The following CDH13 variants were observed in gnomAD, a reference collection of about 807,000 sequenced individuals.
The protein encoded by CDH13 is cadherin 13.
CDH13 carries 24 observed loss-of-function variants against 63.8 expected under a neutral mutation model. The ratio of observed to expected loss-of-function variants is 0.38; its 90% CI spans 0.27 to 0.53. CDH13 has a LOEUF of 0.53. Ranked by LOEUF, CDH13 falls within the 20% of genes least tolerant of loss-of-function variation. The pLI, the probability that CDH13 is intolerant of heterozygous loss-of-function variation, is 0.85. For synonymous variants in CDH13, 503 were observed against 355.3 expected (o/e 1.42, Z -4.67); for missense variants, 1,049 against 903.1 (o/e 1.16, Z -2.07).
At chr16:83,032,994 A>C (rs1216140961) in intron 3 of CDH13, among the ~76,000 whole-genome samples, 2 of 152,188 alleles carry the variant, frequency 1.3e-5, no homozygotes, top group African/African-American at 4.8e-5. Context: ...TATATATTAC[A>C]TGCACATATA....
At chr16:82,877,745 T>C (rs2040552251) in intron 2 of CDH13, among the ~76,000 whole-genome samples, 4 of 151,712 alleles carry the variant, frequency 2.6e-5, no homozygotes. Flanking sequence ...TCTGAAGAGC[T>C]CCTCAAATCT....
intron 3 of CDH13, among the ~76,000 whole-genome samples, chr16:83,078,620 G>C (rs964067750): frequency 6.6e-6 from 1 of 152,124 alleles, no homozygotes; most frequent in African/African-American, 2.4e-5. Context: ...CCGAGGAGTT[G>C]GGGACCCCTG....
chr16:82,809,663 G>C (rs1166149798), intron 1 of CDH13, among the ~76,000 whole-genome samples: 1 of 152,072 alleles, frequency 6.6e-6, no homozygotes, highest in African/African-American at 2.4e-5. Context: ...CAACATAAAG[G>C]TATTAAAGTG....
chr16:82,818,863 A>G (rs1187133273), intron 1 of CDH13, among the ~76,000 whole-genome samples: 1 of 152,206 alleles, frequency 6.6e-6, no homozygotes, highest in African/African-American at 2.4e-5. Flanking sequence ...ATAACTTTGC[A>G]AAAGGAAGAA....
At chr16:82,971,389 T>C (rs1908720013) in intron 2 of CDH13, among the ~76,000 whole-genome samples, 1 of 152,216 alleles carries the variant, frequency 6.6e-6, no homozygotes, top group Admixed American at 6.5e-5. Context: ...CTTGAATCCT[T>C]GTTGCAAGGT....
At chr16:83,620,986 G>A (rs1021055201) in intron 8 of CDH13, among the ~76,000 whole-genome samples, 5 of 152,232 alleles carry the variant, frequency 3.3e-5, no homozygotes, top group Middle Eastern at 3.4e-3. Flanking sequence ...ATATCTGAAA[G>A]CACCTGCTTT....
chr16:83,357,483 T>A (rs2091078319), intron 6 of CDH13, among the ~76,000 whole-genome samples: 1 of 152,154 alleles, frequency 6.6e-6, no homozygotes, highest in South Asian at 2.1e-4. Flanking sequence ...CCCACGCAAC[T>A]AAAACTCAGG....
intron 13 of CDH13, among the ~76,000 whole-genome samples, chr16:83,787,983 G>A (rs567157520): frequency 8.5e-5 from 13 of 152,324 alleles, no homozygotes; most frequent in African/African-American, 3.1e-4. Context: ...GAATAACAGA[G>A]TTTGGATAAA....
chr16:83,200,923 G>T (rs1483611612), intron 4 of CDH13, among the ~76,000 whole-genome samples: 3 of 52,062 alleles, frequency 5.8e-5, no homozygotes, highest in Non-Finnish European at 3.3e-5. Flanking sequence ...TCTTAAAAAT[G>T]TGTGTGTGTG....
At chr16:82,998,312 C>T (rs1912473051) in intron 2 of CDH13, among the ~76,000 whole-genome samples, 1 of 152,192 alleles carries the variant, frequency 6.6e-6, no homozygotes, top group Non-Finnish European at 1.5e-5. Context: ...TGACTGAAGA[C>T]ATTTTGACAA....
chr16:82,771,797 G>A (rs1281094234), intron 1 of CDH13, among the ~76,000 whole-genome samples: 3 of 152,252 alleles, frequency 2.0e-5, no homozygotes, highest in Non-Finnish European at 4.4e-5. Context: ...GCAAGAGGGA[G>A]ACTGAGCAAG....
chr16:82,926,370 C>T (rs1029441595), intron 2 of CDH13, among the ~76,000 whole-genome samples: 2 of 151,762 alleles, frequency 1.3e-5, no homozygotes, highest in South Asian at 4.1e-4. Flanking sequence ...AAAACATTTT[C>T]GCACCCCTGT....
At chr16:83,054,574 T>C (rs897234329) in intron 3 of CDH13, among the ~76,000 whole-genome samples, 5 of 152,178 alleles carry the variant, frequency 3.3e-5, no homozygotes, top group African/African-American at 1.2e-4. Flanking sequence ...ATTTAAAACT[T>C]ACAAATTATT....
At chr16:83,635,516 G>A (rs1304676743) in intron 8 of CDH13, among the ~76,000 whole-genome samples, 5 of 151,490 alleles carry the variant, frequency 3.3e-5, no homozygotes, top group African/African-American at 1.2e-4. Context: ...GCTAATTTTT[G>A]TATTTTTAGT....
At chr16:83,070,232 C>A (rs1456478087) in intron 3 of CDH13, among the ~76,000 whole-genome samples, 2 of 152,086 alleles carry the variant, frequency 1.3e-5, no homozygotes, top group East Asian at 1.9e-4. Flanking sequence ...CTTGGAAATA[C>A]ATGTGGTCTC....
At chr16:82,925,299 G>A (rs1411270490) in intron 2 of CDH13, among the ~76,000 whole-genome samples, 1 of 152,222 alleles carries the variant, frequency 6.6e-6, no homozygotes, top group Admixed American at 6.5e-5. Context: ...GGTGTTTAAA[G>A]GGGAGCAGTT....
intron 5 of CDH13, among the ~76,000 whole-genome samples, chr16:83,238,427 A>G (rs919559973): frequency 6.6e-6 from 1 of 152,176 alleles, no homozygotes; most frequent in African/African-American, 2.4e-5. Context: ...ACCCACCCCC[A>G]TGATTCAATT....
chr16:82,950,834 T>C (rs1319154341), intron 2 of CDH13, among the ~76,000 whole-genome samples: 1 of 141,416 alleles, frequency 7.1e-6, no homozygotes, highest in East Asian at 2.0e-4. Context: ...TTGGTGGTGG[T>C]TGGCGAGGAC....
intron 1 of CDH13, among the ~76,000 whole-genome samples, chr16:82,709,679 G>A (rs1173341854): frequency 1.3e-5 from 2 of 152,228 alleles, no homozygotes; most frequent in Non-Finnish European, 2.9e-5. Flanking sequence ...GACTTCACAT[G>A]AGCGTTGTTG....
Sources: allele counts gnomAD v4.1 joint callset (sites outside exome capture counted in the v4.1 genomes callset), GRCh38; gene constraint gnomAD v4.1.1; transcripts MANE v1.5; gene names NCBI Gene and HGNC (gene_info 2026-07-23, HGNC 2026-07-21).